Variants in KHDRBS2 observed in about 807,000 individuals in gnomAD.
KHDRBS2 encodes KH domain-containing, RNA-binding, signal transduction-associated protein 2.
KHDRBS2 carries 26 observed loss-of-function variants against 44.3 expected under a neutral mutation model. That is an observed-to-expected ratio of 0.59 (90% CI 0.43 to 0.81). The LOEUF (loss-of-function observed/expected upper bound fraction) is 0.81, where lower values mean the gene tolerates loss of function less well. Ranked by LOEUF, KHDRBS2 falls within the 40% of genes least tolerant of loss-of-function variation. KHDRBS2 has a pLI of 0.00. For missense variants in KHDRBS2, 476 were observed against 433.1 expected, an observed-to-expected ratio of 1.10 and a Z score of -0.88; for synonymous variants, 194 against 151.1, an observed-to-expected ratio of 1.28 and a Z score of -2.08.
At chr6:62,108,290 G>A (rs1395609243) in intron 2 of KHDRBS2, among the ~76,000 whole-genome samples, 2 of 152,134 alleles carry the variant, frequency 1.3e-5, no homozygotes, top group Non-Finnish European at 2.9e-5. Flanking sequence ...CGAAGGACAT[G>A]AACAGACACT....
At chr6:62,072,310 T>C (rs547052132) in intron 2 of KHDRBS2, among the ~76,000 whole-genome samples, 3 of 152,292 alleles carry the variant, frequency 2.0e-5, no homozygotes, top group Non-Finnish European at 2.9e-5. Flanking sequence ...GACTTCCTCT[T>C]TTCTTAATTG....
intron 6 of KHDRBS2, among the ~76,000 whole-genome samples, chr6:61,784,407 A>G (rs1783472066): frequency 7.0e-6 from 1 of 142,884 alleles, no homozygotes; most frequent in Non-Finnish European, 1.6e-5. Context: ...TGAAATGGTA[A>G]ACTAAAAAAT....
At chr6:61,781,036 T>C (rs11964893) in intron 6 of KHDRBS2, among the ~76,000 whole-genome samples, 3,209 of 152,304 alleles carry the variant, frequency 0.021, 44 homozygotes, top group Non-Finnish European at 0.033. Context: ...GTGACAATTA[T>C]GTAAGCCACA....
the KHDRBS2 span, among the ~76,000 whole-genome samples, chr6:61,673,376 C>T: frequency 4.0e-5 from 6 of 151,778 alleles, no homozygotes. Flanking sequence ...GACAGGGATG[C>T]CCTCTCTCAC....
chr6:61,766,812 C>A (rs969914940), intron 6 of KHDRBS2, among the ~76,000 whole-genome samples: 1 of 151,906 alleles, frequency 6.6e-6, no homozygotes, highest in Non-Finnish European at 1.5e-5. Context: ...TATTACATTG[C>A]GGTCAGAGAT....
At chr6:61,585,976 T>G in the KHDRBS2 span, among the ~76,000 whole-genome samples, 1 of 152,136 alleles carries the variant, frequency 6.6e-6, no homozygotes, top group Non-Finnish European at 1.5e-5. Context: ...TGAGAGCTAT[T>G]GGTAGCCTTC....
At chr6:61,727,352 T>C (rs1025340516) in intron 7 of KHDRBS2, among the ~76,000 whole-genome samples, 4 of 152,162 alleles carry the variant, frequency 2.6e-5, no homozygotes, top group Non-Finnish European at 5.9e-5. Context: ...GGCAATACTA[T>C]TCAGGACATA....
intron 2 of KHDRBS2, among the ~76,000 whole-genome samples, chr6:62,111,669 G>T (rs1030600682): frequency 6.6e-6 from 1 of 152,030 alleles, no homozygotes; most frequent in Non-Finnish European, 1.5e-5. Flanking sequence ...ATCACTTGAG[G>T]CCAGGAGTTA....
intron 2 of KHDRBS2, among the ~76,000 whole-genome samples, chr6:62,052,721 T>C (rs1240878014): frequency 6.6e-6 from 1 of 151,988 alleles, no homozygotes; most frequent in Non-Finnish European, 1.5e-5. Flanking sequence ...AAAACCCAGA[T>C]CGCTTGCATG....
At chr6:61,769,220 G>A (rs1342688082) in intron 6 of KHDRBS2, among the ~76,000 whole-genome samples, 4 of 152,052 alleles carry the variant, frequency 2.6e-5, no homozygotes, top group Admixed American at 6.6e-5. Context: ...TCCGGTCTAC[G>A]GAGCCCAGCA....
chr6:61,717,766 A>C (rs1250919170), intron 7 of KHDRBS2, among the ~76,000 whole-genome samples: 3 of 152,200 alleles, frequency 2.0e-5, no homozygotes, highest in Admixed American at 6.6e-5. Context: ...AACAGTAAAT[A>C]ATTTCTTCTT....
intron 4 of KHDRBS2, among the ~76,000 whole-genome samples, chr6:61,933,539 A>C (rs962255516): frequency 6.6e-6 from 1 of 152,154 alleles, no homozygotes; most frequent in Non-Finnish European, 1.5e-5. Flanking sequence ...TTTCATCACT[A>C]TCCAAACATT....
chr6:61,904,188 C>A lies in KHDRBS2; in HGVS notation c.484-2817G>T, dbSNP rs34434906. On this transcript the variant is annotated intron_variant, in intron 4 of 8. Transcript: ENST00000281156. ...TGAATGTTTCTTGGAGCAGGTGTAG[C>A]CTTAGTTGGAGGTGAATATATCCGA... 6.9e-3 allele frequency among the ~76,000 whole-genome samples: 1,044 copies of A among 152,000 alleles called. 6 individuals carry two copies. Among genetic ancestry groups the A allele is most frequent in the South Asian group, 0.012 (58 of 4,810 alleles).
chr6:62,140,622 C>T (rs1235294510), intron 2 of KHDRBS2, among the ~76,000 whole-genome samples: 3 of 152,014 alleles, frequency 2.0e-5, no homozygotes, highest in African/African-American at 4.8e-5. Flanking sequence ...TATTACCATC[C>T]ACACTTTCCG....
intron 2 of KHDRBS2, among the ~76,000 whole-genome samples, chr6:62,176,477 C>T (rs1057392051): frequency 1.3e-5 from 2 of 151,246 alleles, no homozygotes; most frequent in African/African-American, 4.8e-5. Flanking sequence ...CCTTGCTTCA[C>T]ATTCACTCTT....
At chr6:62,030,318 C>A (rs1392354691) in intron 3 of KHDRBS2, among the ~76,000 whole-genome samples, 1 of 151,984 alleles carries the variant, frequency 6.6e-6, no homozygotes, top group Non-Finnish European at 1.5e-5. Context: ...GGGTGCAATT[C>A]TTCAGAGAAG....
Position 62,004,948 on chromosome 6 carries a change from C to T in KHDRBS2, c.337-26736G>A, listed in dbSNP as rs191854292. Among the ~76,000 whole-genome samples the T allele has an allele frequency of 2.3e-4, 35 of 152,062 alleles. 1 individual carries two copies. The East Asian group carries it at 5.2e-3, about 23-fold the overall frequency. The stretch of plus-strand genomic sequence containing the variant: ...TCTCAACAGATGCAGAAAAGGCCTT[C>T]GACAAAATTCAACAGCTGTTCATGC... On this transcript the variant is annotated intron_variant, in intron 3 of 8. Coordinates refer to ENST00000281156, the MANE Select transcript of KHDRBS2 (RefSeq NM_152688.4).
intron 6 of KHDRBS2, among the ~76,000 whole-genome samples, chr6:61,835,577 C>T (rs952692283): frequency 2.6e-5 from 4 of 151,972 alleles, no homozygotes; most frequent in Non-Finnish European, 4.4e-5. Flanking sequence ...TATTTTAACA[C>T]AAATTGTACA....
intron 7 of KHDRBS2, among the ~76,000 whole-genome samples, chr6:61,707,554 A>T (rs1769795555): frequency 6.6e-6 from 1 of 151,862 alleles, no homozygotes; most frequent in Non-Finnish European, 1.5e-5. Context: ...AGTTAAATGC[A>T]AAATTACAGT....
Sources: gnomAD v4.1 joint callset for allele counts (sites outside exome capture counted in the v4.1 genomes callset) on GRCh38, gnomAD v4.1.1 for gene constraint, MANE v1.5 for transcripts, NCBI Gene and HGNC (gene_info 2026-07-23, HGNC 2026-07-21) for gene names.